The following FSTL5 variants were observed in gnomAD, a reference collection of about 807,000 sequenced individuals.
FSTL5 encodes follistatin like 5.
FSTL5 carries 62 observed loss-of-function variants against 89.1 expected under a neutral mutation model. The observed-to-expected ratio is 0.70, with a 90% CI of 0.57 to 0.86. FSTL5 has a LOEUF of 0.86. Ranked by LOEUF, FSTL5 falls within the 40% of genes least tolerant of loss-of-function variation. The pLI, the probability that FSTL5 is intolerant of heterozygous loss-of-function variation, is 0.00. For missense variants in FSTL5, 1,057 were observed against 1,001.6 expected (o/e 1.06, Z -0.75); for synonymous variants, 383 against 346.2 (o/e 1.11, Z -1.18).
chr4:161,653,610 G>A (rs542180936), intron 7 of FSTL5, among the ~76,000 whole-genome samples: 1 of 152,108 alleles, frequency 6.6e-6, no homozygotes, highest in South Asian at 2.1e-4. Context: ...GCTGAAAAAT[G>A]AATAAATAAA....
At chr4:161,888,078 C>CCAG (rs34526278) in intron 4 of FSTL5, among the ~76,000 whole-genome samples, 126,426 of 151,726 alleles carry the variant, frequency 0.83, 53,304 homozygotes, top group Non-Finnish European at 0.89. Flanking sequence ...CTTTATAAAA[C>CCAG]TCTTGGGTAT....
chr4:161,992,898 G>A lies in FSTL5; in HGVS notation c.160+40727C>T, dbSNP rs58915712. On this transcript the variant is annotated intron_variant, in intron 3 of 15. Coordinates refer to ENST00000306100, the MANE Select transcript of FSTL5 (RefSeq NM_020116.5). ...TATATATATATATATATATATATATGTGTGTGTATATATATATATATATAT... is the reference window on the plus strand; with the variant it reads ...TATATATATATATATATATATATATATGTGTGTATATATATATATATATAT... Among the ~76,000 whole-genome samples, 122 of 14,106 alleles carry A rather than the reference G, an allele frequency of 8.6e-3. 2 individuals carry two copies. The highest frequency in any genetic ancestry group is 0.018 in the African/African-American group (116 of 6,350). 9.3% of individuals were successfully genotyped at this position (14,106 alleles called of 152,430 possible).
chr4:161,961,843 C>T (rs1220160750), intron 3 of FSTL5, among the ~76,000 whole-genome samples: 1 of 151,456 alleles, frequency 6.6e-6, no homozygotes, highest in African/African-American at 2.4e-5. Flanking sequence ...TATCAATGTC[C>T]TTATATGTAT....
rs529345941 is a variant in FSTL5 at position 162,149,114 on chromosome 4, C to T, written c.-17+14501G>A. ...TCAAAAATTGTTTTGAAAACACTCC[C>T]AAAAACTGAAGTGTCTGAATGTTAT... On this transcript the variant is annotated intron_variant, in intron 1 of 15. Coordinates refer to ENST00000306100, the MANE Select transcript of FSTL5 (RefSeq NM_020116.5). 2.0e-5 allele frequency among the ~76,000 whole-genome samples: 3 copies of T among 152,214 alleles called. No individual in the cohort carries two copies. The South Asian group carries it at 6.2e-4, about 32-fold the overall frequency.
intron 3 of FSTL5, among the ~76,000 whole-genome samples, chr4:162,012,828 A>G (rs966541752): frequency 1.3e-5 from 2 of 152,132 alleles, no homozygotes; most frequent in African/African-American, 4.8e-5. Context: ...CCCTTCCTGT[A>G]TATGACATTA....
intron 3 of FSTL5, among the ~76,000 whole-genome samples, chr4:161,980,393 G>A (rs1440889951): frequency 6.6e-6 from 1 of 152,106 alleles, no homozygotes; most frequent in East Asian, 1.9e-4. Context: ...AGCTGCTTAA[G>A]ACCAAAGAAC....
At chr4:161,896,232 A>T (rs1432929568) in intron 4 of FSTL5, among the ~76,000 whole-genome samples, 1 of 152,152 alleles carries the variant, frequency 6.6e-6, no homozygotes, top group East Asian at 1.9e-4. Context: ...TTATTTAATT[A>T]ATGTTAAAAA....
At chr4:161,712,841 C>A (rs569220852) in intron 6 of FSTL5, among the ~76,000 whole-genome samples, 1 of 151,446 alleles carries the variant, frequency 6.6e-6, no homozygotes, top group Non-Finnish European at 1.5e-5. Context: ...CCCTCACCCC[C>A]CTCTCTCTCG....
At chr4:161,977,240 T>C (rs1396478538) in intron 3 of FSTL5, among the ~76,000 whole-genome samples, 1 of 152,138 alleles carries the variant, frequency 6.6e-6, no homozygotes, top group Non-Finnish European at 1.5e-5. Flanking sequence ...TGAATATATG[T>C]GACACTTTGG....
intron 3 of FSTL5, among the ~76,000 whole-genome samples, chr4:161,960,953 T>C (rs1251126862): frequency 6.6e-6 from 1 of 152,082 alleles, no homozygotes; most frequent in Non-Finnish European, 1.5e-5. Context: ...ATGAAAACTT[T>C]AAAATTTAAA....
At chr4:161,833,366 G>C (rs1203616036) in intron 4 of FSTL5, among the ~76,000 whole-genome samples, 2 of 150,622 alleles carry the variant, frequency 1.3e-5, no homozygotes, top group Non-Finnish European at 3.0e-5. Flanking sequence ...TGTTGATTTG[G>C]GGTGGAGAGT....
intron 11 of FSTL5, among the ~76,000 whole-genome samples, chr4:161,500,583 A>G (rs1730260930): frequency 1.3e-5 from 2 of 152,132 alleles, no homozygotes; most frequent in African/African-American, 4.8e-5. Context: ...ATTTTTAGGA[A>G]GAAAAAGACC....
rs568562709 is a variant in FSTL5 at position 161,930,148 on chromosome 4, T to G, written c.161-9496A>C. On this transcript the variant is annotated intron_variant, in intron 3 of 15. Coordinates refer to ENST00000306100, the MANE Select transcript of FSTL5 (RefSeq NM_020116.5). The stretch of plus-strand genomic sequence containing the variant: ...AAGGCACTGTGTTTGTAGCATTCTC[T>G]GGTTTCTGTGTTGTAAAATACTCCC... Among the ~76,000 whole-genome samples the G allele has an allele frequency of 3.3e-5, 5 of 152,000 alleles. No individual in the cohort carries two copies. The South Asian group carries it at 8.3e-4, about 25-fold the overall frequency.
chr4:161,923,887 C>T (rs983528690), intron 3 of FSTL5, among the ~76,000 whole-genome samples: 1 of 151,756 alleles, frequency 6.6e-6, no homozygotes, highest in Non-Finnish European at 1.5e-5. Flanking sequence ...CTGTGTGTTG[C>T]ATGTAGCTGC....
chr4:161,814,197 G>C (rs997540241), intron 4 of FSTL5, among the ~76,000 whole-genome samples: 2 of 152,078 alleles, frequency 1.3e-5, no homozygotes, highest in Admixed American at 1.3e-4. Flanking sequence ...AATGAAAGTA[G>C]AGAGAAAATT....
At chr4:161,468,001 C>A (rs1390862272) in intron 13 of FSTL5, among the ~76,000 whole-genome samples, 1 of 152,042 alleles carries the variant, frequency 6.6e-6, no homozygotes, top group Non-Finnish European at 1.5e-5. Flanking sequence ...AATTTTCATT[C>A]CATATACTCA....
chr4:161,587,611 T>C, intron 7 of FSTL5, 36 bp from the exon 8 acceptor site: 1 of 1,521,408 alleles, frequency 6.6e-7, no homozygotes, highest in South Asian at 1.2e-5. Context: ...TGTTTGCATT[T>C]TGAATTAATT....
chr4:161,793,917 A>G (rs1413297025), intron 4 of FSTL5, among the ~76,000 whole-genome samples: 1 of 152,126 alleles, frequency 6.6e-6, no homozygotes, highest in African/African-American at 2.4e-5. Flanking sequence ...CCAAGAAACC[A>G]TTTATAATAT....
intron 3 of FSTL5, among the ~76,000 whole-genome samples, chr4:162,006,158 A>C (rs1038278766): frequency 6.6e-6 from 1 of 152,042 alleles, no homozygotes; most frequent in Non-Finnish European, 1.5e-5. Context: ...GAGTGTCTTG[A>C]TATGAAAGCA....
Sources: allele counts gnomAD v4.1 joint callset (sites outside exome capture counted in the v4.1 genomes callset), GRCh38; gene constraint gnomAD v4.1.1; transcripts MANE v1.5; gene names NCBI Gene and HGNC (gene_info 2026-07-23, HGNC 2026-07-21).